The following GRIK4 variants were observed in gnomAD, a reference collection of about 807,000 sequenced individuals.
GRIK4 encodes the protein glutamate receptor ionotropic, kainate 4.
A neutral mutation model predicts 104.9 loss-of-function variants in GRIK4; 40 were observed. That is an observed-to-expected ratio of 0.38 (90% CI 0.30 to 0.50). The LOEUF (loss-of-function observed/expected upper bound fraction) is 0.50, where lower values mean the gene tolerates loss of function less well. GRIK4 is among the 20% of genes least tolerant of loss of function. The pLI is 0.93. For synonymous variants in GRIK4, 485 were observed against 524.9 expected, an observed-to-expected ratio of 0.92 and a Z score of 1.04; for missense variants, 1,047 against 1,308.1, an observed-to-expected ratio of 0.80 and a Z score of 3.08.
At chr11:120,627,339 C>T (rs762347492) in intron 1 of GRIK4, among the ~76,000 whole-genome samples, 12 of 152,230 alleles carry the variant, frequency 7.9e-5, no homozygotes, top group Non-Finnish European at 1.2e-4. Context: ...AGCCACACAG[C>T]GCAGTGCAAG....
At chr11:120,748,887 C>T (rs1005914866) in intron 3 of GRIK4, among the ~76,000 whole-genome samples, 3 of 152,164 alleles carry the variant, frequency 2.0e-5, no homozygotes, top group Admixed American at 2.0e-4. Flanking sequence ...GCCTGTTGTT[C>T]CTGGGTAGCT....
intron 3 of GRIK4, among the ~76,000 whole-genome samples, chr11:120,684,037 A>G (rs1463747506): frequency 2.0e-5 from 3 of 152,208 alleles, no homozygotes; most frequent in African/African-American, 7.2e-5. Flanking sequence ...GAAGAAAGCA[A>G]AGTGAGGCTG....
rs577562483 is a variant in GRIK4 at position 120,784,597 on chromosome 11, T to C, written c.83-18096T>C. ...TAAAATGTAGAGATAAGACCCTCAGTGGTCCTATGGCTTAGGGTCACCCTG... is the reference window on the plus strand; with the variant it reads ...TAAAATGTAGAGATAAGACCCTCAGCGGTCCTATGGCTTAGGGTCACCCTG... On this transcript the variant is annotated intron_variant, in intron 3 of 20. Transcript: ENST00000527524. 2.6e-5 allele frequency among the ~76,000 whole-genome samples: 4 copies of C among 152,284 alleles called. No homozygotes were observed. The East Asian group carries it at 7.7e-4, about 29-fold the overall frequency.
At chr11:120,685,639 T>G (rs1029895012) in intron 3 of GRIK4, among the ~76,000 whole-genome samples, 1 of 152,176 alleles carries the variant, frequency 6.6e-6, no homozygotes, top group African/African-American at 2.4e-5. Context: ...CTTTTCCCTA[T>G]CAAACTCATT....
At chr11:120,929,086 C>A (rs553438843) in intron 13 of GRIK4, among the ~76,000 whole-genome samples, 1 of 152,038 alleles carries the variant, frequency 6.6e-6, no homozygotes, top group African/African-American at 2.4e-5. Context: ...ATTTACTGTT[C>A]CTTTATTCCC....
At chr11:120,738,868 G>A (rs1951274556) in intron 3 of GRIK4, among the ~76,000 whole-genome samples, 1 of 152,224 alleles carries the variant, frequency 6.6e-6, no homozygotes, top group Non-Finnish European at 1.5e-5. Context: ...GATGGGGGAG[G>A]AGGGGCTGGC....
rs149193635 is a variant in GRIK4, at chr11:120,789,598, C to T, written c.83-13095C>T. On this transcript the variant is annotated intron_variant, in intron 3 of 20. Transcript: ENST00000527524. ...TCGCCCTAAAATGCAAATCTTATGACGTCATCGCCTGTCGGAAGCCCTCCT... is the reference window on the plus strand; with the variant it reads ...TCGCCCTAAAATGCAAATCTTATGATGTCATCGCCTGTCGGAAGCCCTCCT... Among the ~76,000 whole-genome samples, 709 of 152,290 alleles carry T rather than the reference C, an allele frequency of 4.7e-3. 9 individuals are homozygous for T. Among genetic ancestry groups the T allele is most frequent in the African/African-American group, 0.016 (673 of 41,532 alleles).
intron 3 of GRIK4, among the ~76,000 whole-genome samples, chr11:120,796,722 G>A (rs930022047): frequency 5.9e-5 from 9 of 152,214 alleles, no homozygotes; most frequent in African/African-American, 1.7e-4. Flanking sequence ...TGCTATGACC[G>A]TGGAAGCCAG....
At chr11:120,749,765 C>G (rs1951513237) in intron 3 of GRIK4, among the ~76,000 whole-genome samples, 1 of 152,204 alleles carries the variant, frequency 6.6e-6, no homozygotes, top group Admixed American at 6.5e-5. Context: ...TTCAGCATCT[C>G]AGCCTTGGTG....
intron 1 of GRIK4, among the ~76,000 whole-genome samples, chr11:120,601,038 A>C (rs1243702117): frequency 6.6e-6 from 1 of 151,694 alleles, no homozygotes; most frequent in East Asian, 2.0e-4. Context: ...CTGGTGACAG[A>C]GTGAGACCTT....
intron 20 of GRIK4, among the ~76,000 whole-genome samples, chr11:120,982,524 G>A (rs1252797596): frequency 6.6e-6 from 1 of 152,150 alleles, no homozygotes; most frequent in African/African-American, 2.4e-5. Context: ...TGCAGGGAAA[G>A]ATCCTTAGAG....
At chr11:120,700,608 G>A (rs1424963253) in intron 3 of GRIK4, among the ~76,000 whole-genome samples, 6 of 152,204 alleles carry the variant, frequency 3.9e-5, no homozygotes, top group South Asian at 4.1e-4. Flanking sequence ...ACAGGTGCGC[G>A]CCACCATGTC....
chr11:120,969,082 A>C (rs1189484875), intron 19 of GRIK4, among the ~76,000 whole-genome samples: 2 of 152,200 alleles, frequency 1.3e-5, no homozygotes, highest in Non-Finnish European at 2.9e-5. Flanking sequence ...GTATCCCAGC[A>C]CATCACTTCA....
At chr11:120,836,690 C>T in intron 7 of GRIK4, 101 bp from the exon 8 acceptor site, 1 of 773,368 alleles carries the variant, frequency 1.3e-6, no homozygotes, top group Non-Finnish European at 2.3e-6. Flanking sequence ...TGCCAAGGGG[C>T]AGTGGGCCAG....
chr11:120,947,662 C>A (rs546443834), intron 14 of GRIK4, among the ~76,000 whole-genome samples: 14 of 152,210 alleles, frequency 9.2e-5, no homozygotes, highest in South Asian at 4.2e-4. Flanking sequence ...AATATGGATC[C>A]CTGAATGTAT....
At chr11:120,894,351 G>A (rs1443482301) in intron 11 of GRIK4, 1 of 152,212 alleles carries the variant, frequency 6.6e-6, no homozygotes, top group Non-Finnish European at 1.5e-5. Flanking sequence ...GAGAAGCCGG[G>A]TTAAACTCCT....
At chr11:120,559,852 A>G (rs950039217) in intron 1 of GRIK4, among the ~76,000 whole-genome samples, 3 of 152,152 alleles carry the variant, frequency 2.0e-5, no homozygotes, top group African/African-American at 7.2e-5. Flanking sequence ...TATTAACTGT[A>G]TCTGCATTAC....
At chr11:120,530,772 A>G (rs906108313) in intron 1 of GRIK4, among the ~76,000 whole-genome samples, 15 of 151,934 alleles carry the variant, frequency 9.9e-5, no homozygotes, top group African/African-American at 3.1e-4. Context: ...GTGATGTAGG[A>G]AGACAGAGAT....
intron 1 of GRIK4, among the ~76,000 whole-genome samples, chr11:120,541,638 G>A (rs1948037581): frequency 1.3e-5 from 2 of 152,108 alleles, no homozygotes; most frequent in African/African-American, 2.4e-5. Flanking sequence ...GACTACAGGT[G>A]TGCCATCACG....
Sources: allele counts gnomAD v4.1 joint callset (sites outside exome capture counted in the v4.1 genomes callset), GRCh38; gene constraint gnomAD v4.1.1; transcripts MANE v1.5; gene names NCBI Gene and HGNC (gene_info 2026-07-23, HGNC 2026-07-21).